The following DEK variants were observed in gnomAD, a reference collection of about 807,000 sequenced individuals.
DEK encodes DEK proto-oncogene.
In DEK, 28 loss-of-function variants were observed where a neutral mutation model predicts 46.8. That is an observed-to-expected ratio of 0.60 (90% CI 0.44 to 0.82). The LOEUF is 0.82. Ranked by LOEUF, DEK falls within the 40% of genes least tolerant of loss-of-function variation. The pLI is 0.00. For synonymous variants in DEK, 160 were observed against 144.5 expected, an observed-to-expected ratio of 1.11 and a Z score of -0.77; for missense variants, 416 against 430.6, an observed-to-expected ratio of 0.97 and a Z score of 0.30.
intron 9 of DEK, among the ~76,000 whole-genome samples, chr6:18,228,732 C>T (rs893512797): frequency 9.2e-5 from 14 of 152,238 alleles, no homozygotes; most frequent in Admixed American, 2.6e-4. Context: ...TTATATCCCG[C>T]GCCTGGCTCG....
intron 4 of DEK, among the ~76,000 whole-genome samples, chr6:18,257,413 A>G (rs1041278133): frequency 1.3e-5 from 2 of 152,346 alleles, no homozygotes; most frequent in Non-Finnish European, 2.9e-5. Context: ...AAACTACTAC[A>G]GGAGAAAGAG....
chr6:18,264,469 C>G lies in DEK; in HGVS notation c.-94G>C. 2 of 281,140 alleles carry G rather than the reference C, an allele frequency of 7.1e-6. No individual in the cohort carries two copies. The highest frequency in any genetic ancestry group is 1.2e-4 in the East Asian group (1 of 8,640). 17.4% of individuals were successfully genotyped at this position (281,140 alleles called of 1,614,324 possible). A position where few individuals can be genotyped will look rare whatever the true frequency, so the allele number is the denominator to read the frequency against. On this transcript the variant is annotated 5_prime_UTR_variant, in exon 1 of 11. Transcript: ENST00000652689. ...GCGGCGGCCGACGCCGAGGAGAAGG[C>G]GCGCGGGCCGCTGTCTGGCGTGACG...
At chr6:18,239,361 TAA>T (rs377497301) in intron 7 of DEK, among the ~76,000 whole-genome samples, 3,398 of 120,312 alleles carry the variant, frequency 0.028, 134 homozygotes, top group African/African-American at 0.063. Context: ...TTTTTTTTTT[TAA>T]AAAAAAGAGA....
At chr6:18,254,753 A>G (rs1039300571) in intron 6 of DEK, among the ~76,000 whole-genome samples, 1 of 152,224 alleles carries the variant, frequency 6.6e-6, no homozygotes, top group African/African-American at 2.4e-5. Context: ...AAAAAGTACA[A>G]GTATAGCTAT....
chr6:18,226,084 A>C, intron 10 of DEK, 90 bp downstream of exon 10: 7 of 1,019,870 alleles, frequency 6.9e-6, no homozygotes, highest in Non-Finnish European at 8.0e-6. Context: ...ATATTTAGTG[A>C]CATGAATATT....
intron 7 of DEK, among the ~76,000 whole-genome samples, chr6:18,243,671 CCTT>C (rs143275366): frequency 3.0e-3 from 464 of 152,322 alleles, no homozygotes; most frequent in Non-Finnish European, 5.4e-3. Context: ...TGAAGATTTT[CCTT>C]CTTTAGAAAT....
Position 18,236,581 on chromosome 6 carries a change from A to G in DEK, c.918T>C (p.Ser306=). Residue 306 remains serine (S), a synonymous_variant, in exon 9 of 11, where the codon AGT becomes AGC. Coordinates refer to ENST00000652689, the MANE Select transcript of DEK (RefSeq NM_003472.4). ...TTTTAATTAAAGGTTCATCATCTGA[A>G]CTATCCTCAGACTCACTTTCTAAAA... is the stretch of plus-strand genomic sequence containing the variant. The part of the protein sequence containing the change: ...SSKKESESED[S]SDDEPLIKKL... 1 of 1,563,758 alleles carries G rather than the reference A, an allele frequency of 6.4e-7. No individual in the cohort carries two copies. Among genetic ancestry groups the G allele is most frequent in the Non-Finnish European group, 8.6e-7 (1 of 1,162,328 alleles).
chr6:18,237,252 C>T (rs1790694746), intron 8 of DEK, 129 bp downstream of exon 8: 1 of 1,085,894 alleles, frequency 9.2e-7, no homozygotes, highest in Non-Finnish European at 1.2e-6. Flanking sequence ...GGATATTCAA[C>T]CTGTATTACT....
At chr6:18,252,509 C>CAAAAAAAAAAA (rs61626818) in intron 6 of DEK, among the ~76,000 whole-genome samples, 22 of 29,138 alleles carry the variant, frequency 7.6e-4, no homozygotes, top group East Asian at 1.3e-3. Flanking sequence ...ACGCTGTCTC[C>CAAAAAAAAAAA]AAAAAAAAAA....
chr6:18,255,084 T>A (rs1791545114), intron 6 of DEK, among the ~76,000 whole-genome samples: 1 of 152,166 alleles, frequency 6.6e-6, no homozygotes, highest in African/African-American at 2.4e-5. Flanking sequence ...CAGACCTAAA[T>A]CACACTAAAA....
intron 4 of DEK, 44 bp from the exon 5 acceptor site, chr6:18,256,499 T>C (rs778709349): frequency 5.8e-5 from 87 of 1,495,786 alleles, no homozygotes; most frequent in Non-Finnish European, 5.4e-5. Context: ...TACCCAGTAA[T>C]GTACACAAGA....
intron 6 of DEK, among the ~76,000 whole-genome samples, chr6:18,252,276 A>T (rs1791409975): frequency 6.6e-6 from 1 of 152,142 alleles, no homozygotes; most frequent in Non-Finnish European, 1.5e-5. Context: ...TTGGGAGGCC[A>T]AGGTGAGAGG....
chr6:18,237,646 ATTC>A (rs1332199612), intron 7 of DEK, 130 bp from the exon 8 acceptor site: 1 of 1,274,948 alleles, frequency 7.8e-7, no homozygotes, highest in East Asian at 2.6e-5. Flanking sequence ...GCAATTAAAA[ATTC>A]TTTTTGAGAG....
chr6:18,254,537 A>G (rs183126350), intron 6 of DEK, among the ~76,000 whole-genome samples: 2 of 152,318 alleles, frequency 1.3e-5, no homozygotes, highest in East Asian at 1.9e-4. Context: ...TTTCAGTTCT[A>G]ATGTCAAATA....
At position 18,263,857 on chromosome 6, in the gene DEK, T is replaced by C. The variant is rs767257883; in HGVS notation, c.131A>G (p.Glu44Gly). 74 of 1,612,226 alleles carry C rather than the reference T, an allele frequency of 4.6e-5. No homozygotes were observed. The highest frequency in any genetic ancestry group is 5.9e-5 in the Non-Finnish European group (70 of 1,179,206). Residue 44 changes from glutamate to glycine, a missense_variant, in exon 2 of 11, where the codon GAG (glutamate) becomes GGG (glycine). Transcript: ENST00000652689. ...ACTCCCCCCACCTTTTTCCTCCTCCTCCTCCTCCTCGTCGTCCTCGTCCTC... is the reference window on the plus strand; with the variant it reads ...ACTCCCCCCACCTTTTTCCTCCTCCCCCTCCTCCTCGTCGTCCTCGTCCTC... ...EEEDEDDEEE[E>G]EEEKEKSLIV...
chr6:18,246,882 G>A (rs1325839964), intron 7 of DEK, among the ~76,000 whole-genome samples: 1 of 152,156 alleles, frequency 6.6e-6, no homozygotes, highest in Non-Finnish European at 1.5e-5. Context: ...TGATCTTAAT[G>A]AATAAGAGTC....
chr6:18,229,337 A>G (rs1030973081), intron 9 of DEK, among the ~76,000 whole-genome samples: 5 of 152,240 alleles, frequency 3.3e-5, no homozygotes, highest in African/African-American at 1.2e-4. Context: ...TTCTCCTCCA[A>G]AGGAACACAG....
At chr6:18,239,026 G>C (rs894613128) in intron 7 of DEK, among the ~76,000 whole-genome samples, 4 of 152,094 alleles carry the variant, frequency 2.6e-5, no homozygotes, top group Non-Finnish European at 5.9e-5. Flanking sequence ...CCGGGTTCAA[G>C]TGATTCTCCT....
intron 1 of DEK, 153 bp from the exon 2 acceptor site, chr6:18,264,149 G>T: frequency 1.7e-6 from 1 of 603,538 alleles, no homozygotes; most frequent in Non-Finnish European, 2.5e-6. Context: ...AGTCCCCAGG[G>T]GCGGCTTCCC....
Sources: allele counts gnomAD v4.1 joint callset (sites outside exome capture counted in the v4.1 genomes callset), GRCh38; gene constraint gnomAD v4.1.1; transcripts MANE v1.5; gene names NCBI Gene and HGNC (gene_info 2026-07-23, HGNC 2026-07-21).